GOLGA4: variants seen among roughly 807,000 people sequenced by gnomAD.
GOLGA4 encodes the protein golgin A4, also known as golgin subfamily A member 4.
A neutral mutation model predicts 265.9 loss-of-function variants in GOLGA4; 169 were observed. That is an observed-to-expected ratio of 0.64 (90% CI 0.56 to 0.72). The LOEUF is 0.72. Among genes scored for constraint, GOLGA4 ranks in the 30% least tolerant of loss-of-function variants. The pLI is 0.00. For synonymous variants in GOLGA4, 923 were observed against 855.8 expected (o/e 1.08, Z -1.37); for missense variants, 2,482 against 2,483.4 (o/e 1.00, Z 0.01).
In GOLGA4 at chr3:37,325,397, G is replaced by T. The variant is rs377028200; in HGVS notation, c.3511G>T (p.Val1171Phe). ...GCTGGCAGAAGAAGATAAGCGGAAG[G>T]TTTCTGAGTTGACTAGCAAGTTGAA... is the stretch of plus-strand genomic sequence containing the variant. ...KMLAEEDKRK[V>F]SELTSKLKTT... The change falls in exon 14 of 24, where the codon GTT (valine) becomes TTT (phenylalanine). Residue 1171 changes from valine (V) to phenylalanine (F), a missense_variant. Physicochemically the swap from Val to Phe is conservative, Grantham distance 50. Around this residue, in one of 3 missense-constraint regions of GOLGA4, gnomAD observed 1,536 missense variants for 1,483.7 expected, o/e 1.04. Coordinates refer to ENST00000361924, the MANE Select transcript of GOLGA4 (RefSeq NM_002078.5). 1.1e-5 allele frequency: 17 copies of T among 1,611,772 alleles called. No homozygotes were observed. The Admixed American group carries it at 2.7e-4, about 25-fold the overall frequency.
chr3:37,347,171 G>C (rs747455746), intron 20 of GOLGA4, 22 bp from the exon 21 acceptor site: 12 of 1,409,666 alleles, frequency 8.5e-6, no homozygotes, highest in Non-Finnish European at 1.2e-5. Context: ...TTTACAGTTT[G>C]ATCTATTTTT....
At chr3:37,347,349 G>A in intron 21 of GOLGA4, 53 bp downstream of exon 21, 2 of 1,023,916 alleles carry the variant, frequency 2.0e-6, no homozygotes, top group Non-Finnish European at 1.5e-6. Context: ...AAAGAAATAT[G>A]TTCCACTTTT....
chr3:37,261,004 C>CA (rs11348079), intron 2 of GOLGA4, among the ~76,000 whole-genome samples: 3,968 of 134,462 alleles, frequency 0.03, 145 homozygotes, highest in African/African-American at 0.086. Flanking sequence ...CTGTCTCTAC[C>CA]AAAAAAAAAA....
intron 17 of GOLGA4, among the ~76,000 whole-genome samples, chr3:37,336,213 CTTTCTTTT>C (rs1485563701): frequency 1.3e-5 from 2 of 152,108 alleles, no homozygotes; most frequent in African/African-American, 2.4e-5. Flanking sequence ...ATTTTCTTTA[CTTTCTTTT>C]TTTCTTTTTT....
intron 10 of GOLGA4, among the ~76,000 whole-genome samples, chr3:37,314,686 A>G (rs1039738604): frequency 2.8e-5 from 3 of 108,056 alleles, no homozygotes; most frequent in Non-Finnish European, 6.5e-5. Context: ...CACACACGAA[A>G]AAAACCTTAC....
chr3:37,320,548 A>G (rs2096952008), intron 12 of GOLGA4, among the ~76,000 whole-genome samples: 1 of 152,196 alleles, frequency 6.6e-6, no homozygotes, highest in South Asian at 2.1e-4. Context: ...TGAAATTTAC[A>G]CATATATGGG....
intron 21 of GOLGA4, among the ~76,000 whole-genome samples, chr3:37,352,731 T>G (rs990903058): frequency 6.6e-6 from 1 of 152,080 alleles, no homozygotes; most frequent in Non-Finnish European, 1.5e-5. Context: ...TTCAGACCAC[T>G]AAAACTTTCT....
chr3:37,254,067 T>G (rs1478457693), intron 2 of GOLGA4, among the ~76,000 whole-genome samples: 1 of 151,962 alleles, frequency 6.6e-6, no homozygotes, highest in Non-Finnish European at 1.5e-5. Context: ...CTATTTTCAG[T>G]GTTTCACTTT....
chr3:37,318,622 A>G (rs1186628588), intron 11 of GOLGA4, among the ~76,000 whole-genome samples: 1 of 151,854 alleles, frequency 6.6e-6, no homozygotes, highest in African/African-American at 2.4e-5. Flanking sequence ...TTTTTATGAG[A>G]TTGAGGTTTC....
At chr3:37,309,013 G>A (rs2096915282) in intron 10 of GOLGA4, among the ~76,000 whole-genome samples, 1 of 151,900 alleles carries the variant, frequency 6.6e-6, no homozygotes, top group South Asian at 2.1e-4. Flanking sequence ...TACTTTGGGA[G>A]GCCGAGGTGG....
chr3:37,332,475 C>G (rs973410280), intron 16 of GOLGA4, among the ~76,000 whole-genome samples: 1 of 151,998 alleles, frequency 6.6e-6, no homozygotes, highest in African/African-American at 2.4e-5. Flanking sequence ...CCTCTGCATT[C>G]CAGCCTGGGT....
rs768356625 is a variant in GOLGA4, at chr3:37,326,792, A to G, written c.4906A>G (p.Lys1636Glu). The G allele has an allele frequency of 6.8e-6, 11 of 1,613,884 alleles. No individual in the cohort carries two copies. Among genetic ancestry groups the G allele is most frequent in the Admixed American group, 1.7e-5 (1 of 60,008 alleles). ...TAGGCTTGAGTCAGAAAGTGCTGCA[A>G]AATTAGCAGAGTTGAAGAGAAAAGC... ...EDRLESESAA[K>E]LAELKRKAEQ... is the part of the protein sequence containing the mutation. Residue 1636 changes from lysine (K) to glutamate (E), a missense_variant, in exon 14 of 24, where the codon AAA becomes GAA. By Grantham distance (56) the Lys-to-Glu change is moderately conservative. Coordinates refer to ENST00000361924, the MANE Select transcript of GOLGA4 (RefSeq NM_002078.5).
chr3:37,357,376 A>T (rs1216708376), intron 22 of GOLGA4, among the ~76,000 whole-genome samples: 4 of 152,188 alleles, frequency 2.6e-5, no homozygotes, highest in Non-Finnish European at 5.9e-5. Context: ...GATATGGAAG[A>T]CATTGGTTGT....
chr3:37,326,848 G>A lies in GOLGA4; in HGVS notation c.4962G>A (p.Gln1654=), dbSNP rs752677590. The part of the protein sequence containing the change: ...AEQKIAAIKK[Q]LLSQMEEKEE... ...AAAAAATTGCTGCCATTAAGAAGCA[G>A]TTGTTATCTCAAATGGAAGAGAAAG... is the stretch of plus-strand genomic sequence containing the variant. The change falls in exon 14 of 24, where the codon CAG becomes CAA. Residue 1654 remains glutamine (Q), a synonymous_variant. Coordinates refer to ENST00000361924, the MANE Select transcript of GOLGA4 (RefSeq NM_002078.5). The A allele has an allele frequency of 1.5e-5, 24 of 1,613,628 alleles. No individual in the cohort carries two copies. Among genetic ancestry groups the A allele is most frequent in the Non-Finnish European group, 1.9e-5 (22 of 1,179,788 alleles).
chr3:37,243,744 C>T (rs1373938414), intron 1 of GOLGA4, 122 bp downstream of exon 1: 4 of 779,116 alleles, frequency 5.1e-6, no homozygotes, highest in African/African-American at 1.8e-5. Flanking sequence ...CCGCACTTTT[C>T]CCAAACTCCG....
At chr3:37,315,804 C>T (rs983793974) in intron 11 of GOLGA4, among the ~76,000 whole-genome samples, 1 of 152,118 alleles carries the variant, frequency 6.6e-6, no homozygotes, top group African/African-American at 2.4e-5. Flanking sequence ...GCTTTCTCTC[C>T]AGTGGACTAT....
chr3:37,265,532 A>T (rs146462609), intron 2 of GOLGA4, among the ~76,000 whole-genome samples: 3 of 152,140 alleles, frequency 2.0e-5, no homozygotes, highest in Non-Finnish European at 4.4e-5. Context: ...GTTCTTTACT[A>T]TGCATTTTTA....
chr3:37,262,526 A>G (rs1330129360), intron 2 of GOLGA4, among the ~76,000 whole-genome samples: 1 of 143,506 alleles, frequency 7.0e-6, no homozygotes, highest in African/African-American at 2.4e-5. Context: ...AAATCCTGGA[A>G]ATGAAAAAAA....
rs149853599 is a variant in GOLGA4 at position 37,366,203 on chromosome 3, AC to A, written c.*159del. ...TCAGGGCCCCTCATGTAGCCAAAAG[AC>A]CAAGAAAAATCTGGCCCACAGATAA... is the stretch of plus-strand genomic sequence containing the variant. On this transcript the variant is annotated 3_prime_UTR_variant, in exon 24 of 24. Coordinates refer to ENST00000361924, the MANE Select transcript of GOLGA4 (RefSeq NM_002078.5). 5.8e-3 allele frequency: 5,294 copies of A among 905,250 alleles called. 186 individuals carry two copies. The African/African-American group carries it at 0.08, about 14-fold the overall frequency. The allele number at this position is 905,250 out of a possible 1,614,324, so 56.1% of individuals were successfully genotyped here. A position where few individuals can be genotyped will look rare whatever the true frequency, so the allele number is the denominator to read the frequency against.
Sources: allele counts gnomAD v4.1 joint callset (sites outside exome capture counted in the v4.1 genomes callset), GRCh38; gene constraint gnomAD v4.1.1; regional missense constraint gnomAD v4.1.1; transcripts MANE v1.5; gene names NCBI Gene and HGNC (gene_info 2026-07-23, HGNC 2026-07-21).